Variants in SPATA6 observed in about 807,000 individuals in gnomAD.
SPATA6 encodes spermatogenesis-associated protein 6.
SPATA6 carries 56 observed loss-of-function variants against 65.3 expected under a neutral mutation model. The ratio of observed to expected loss-of-function variants is 0.86; its 90% confidence interval spans 0.69 to 1.07. SPATA6 has a LOEUF of 1.07. Ranked by LOEUF, SPATA6 falls within the 50% of genes least tolerant of loss-of-function variation. The pLI is 0.00. For missense variants in SPATA6, 590 were observed against 594.8 expected (o/e 0.99, Z 0.08); for synonymous variants, 199 against 213.2 (o/e 0.93, Z 0.58).
chr1:48,361,745 G>A (rs1046487535), intron 9 of SPATA6, among the ~76,000 whole-genome samples: 2 of 152,146 alleles, frequency 1.3e-5, no homozygotes, highest in African/African-American at 4.8e-5. Flanking sequence ...ATTGCAGGAT[G>A]TCTAGGTGTA....
intron 11 of SPATA6, among the ~76,000 whole-genome samples, chr1:48,313,825 G>T (rs557675262): frequency 6.6e-6 from 1 of 152,058 alleles, no homozygotes; most frequent in South Asian, 2.1e-4. Flanking sequence ...ACACACATAG[G>T]CTCAAAATAA....
chr1:48,314,421 C>T (rs1181601502), intron 11 of SPATA6, among the ~76,000 whole-genome samples: 2 of 152,102 alleles, frequency 1.3e-5, no homozygotes, highest in African/African-American at 2.4e-5. Context: ...GGAAACTGAA[C>T]AACCTGCTCC....
At chr1:48,279,784 G>A in the SPATA6 span, among the ~76,000 whole-genome samples, 1 of 152,122 alleles carries the variant, frequency 6.6e-6, no homozygotes, top group Non-Finnish European at 1.5e-5. Flanking sequence ...GAGACAGAAA[G>A]TTAACAAGGA....
At chr1:48,275,367 C>A in the SPATA6 span, among the ~76,000 whole-genome samples, 3 of 152,160 alleles carry the variant, frequency 2.0e-5, no homozygotes, top group Non-Finnish European at 2.9e-5. Flanking sequence ...CCAGAACTTC[C>A]AACACTATGT....
chr1:48,413,177 TA>T, intron 3 of SPATA6, 26 bp from the exon 4 acceptor site: 1 of 1,359,940 alleles, frequency 7.4e-7, no homozygotes, highest in Non-Finnish European at 9.7e-7. Flanking sequence ...AAAATTTCCT[TA>T]AATAAACAAA....
intron 2 of SPATA6, among the ~76,000 whole-genome samples, chr1:48,452,235 A>AAGGG (rs1656634225): frequency 6.6e-6 from 1 of 152,176 alleles, no homozygotes; most frequent in South Asian, 2.1e-4. Context: ...AAGACGGAAA[A>AAGGG]AGGGAAGGAA....
chr1:48,451,424 C>A, intron 3 of SPATA6, 128 bp downstream of exon 3: 1 of 654,040 alleles, frequency 1.5e-6, no homozygotes. Context: ...ATTAAAAAGT[C>A]TCAGCTCAAG....
intron 9 of SPATA6, among the ~76,000 whole-genome samples, chr1:48,381,336 C>G (rs767381668): frequency 7.9e-5 from 12 of 152,174 alleles, no homozygotes; most frequent in Non-Finnish European, 1.2e-4. Context: ...AAGAATCACC[C>G]AGAAACTTGG....
chr1:48,266,256 T>C, the SPATA6 span, among the ~76,000 whole-genome samples: 10 of 152,182 alleles, frequency 6.6e-5, no homozygotes, highest in African/African-American at 2.4e-4. Flanking sequence ...ATACCACCTC[T>C]TAAAATCCAA....
At chr1:48,347,895 T>G (rs1646414252) in intron 11 of SPATA6, among the ~76,000 whole-genome samples, 1 of 151,938 alleles carries the variant, frequency 6.6e-6, no homozygotes, top group African/African-American at 2.4e-5. Flanking sequence ...GCAGGAAGAT[T>G]GTCTCAACAC....
chr1:48,318,284 AT>A (rs1645498794), intron 11 of SPATA6, among the ~76,000 whole-genome samples: 1 of 152,194 alleles, frequency 6.6e-6, no homozygotes, highest in South Asian at 2.1e-4. Flanking sequence ...ATCCAGAACA[AT>A]TAGCCAAGAA....
chr1:48,351,891 T>C (rs555759589), intron 11 of SPATA6, among the ~76,000 whole-genome samples: 2 of 152,202 alleles, frequency 1.3e-5, no homozygotes, highest in South Asian at 2.1e-4. Flanking sequence ...AGAGAAACCA[T>C]CTGGGCCTAG....
chr1:48,416,666 T>A (rs1652815489), intron 3 of SPATA6, among the ~76,000 whole-genome samples: 1 of 152,138 alleles, frequency 6.6e-6, no homozygotes, highest in African/African-American at 2.4e-5. Context: ...CTCAACTTAT[T>A]TATGAGCCCT....
At chr1:48,466,140 T>C (rs1657791136) in intron 1 of SPATA6, among the ~76,000 whole-genome samples, 1 of 152,088 alleles carries the variant, frequency 6.6e-6, no homozygotes, top group Non-Finnish European at 1.5e-5. Flanking sequence ...CTAGGAAATA[T>C]GTGCAAATAT....
At chr1:48,282,475 A>T in the SPATA6 span, among the ~76,000 whole-genome samples, 2 of 152,230 alleles carry the variant, frequency 1.3e-5, no homozygotes, top group Non-Finnish European at 2.9e-5. Context: ...CAATGAACTC[A>T]AACAAACTTA....
intron 9 of SPATA6, among the ~76,000 whole-genome samples, chr1:48,382,488 G>A (rs774684721): frequency 6.1e-3 from 742 of 120,756 alleles, no homozygotes; most frequent in Non-Finnish European, 0.01. Context: ...CCTCCCGGAC[G>A]GGGCGGCTGG....
At position 48,368,029 on chromosome 1, in the gene SPATA6, G is replaced by C. The variant is rs529413262; in HGVS notation, c.910-8259C>G. Among the ~76,000 whole-genome samples, 95 of 152,256 alleles carry C rather than the reference G, an allele frequency of 6.2e-4. No individual in the cohort carries two copies. In the South Asian group the frequency reaches 0.019, roughly 30 times the overall value. Reference sequence around the variant, plus strand: ...CTCTCAGCATTTGCTTGTCTGTATAGTATTTTATTTCTCCTTCACTTATGA... The same window carrying C: ...CTCTCAGCATTTGCTTGTCTGTATACTATTTTATTTCTCCTTCACTTATGA... On this transcript the variant is annotated intron_variant, in intron 9 of 12. Transcript: ENST00000371847.
At chr1:48,266,231 A>C in the SPATA6 span, among the ~76,000 whole-genome samples, 1 of 152,224 alleles carries the variant, frequency 6.6e-6, no homozygotes, top group Non-Finnish European at 1.5e-5. Flanking sequence ...CAATGGATCA[A>C]TCACTGAAAA....
chr1:48,293,836 TTTGA>T (rs370072771), downstream of SPATA6, among the ~76,000 whole-genome samples: 159 of 152,266 alleles, frequency 1.0e-3, 1 homozygote, highest in African/African-American at 3.7e-3. Flanking sequence ...ACACACAAAC[TTTGA>T]TTGAGAACTG....
Sources: allele counts gnomAD v4.1 joint callset (sites outside exome capture counted in the v4.1 genomes callset), GRCh38; gene constraint gnomAD v4.1.1; transcripts MANE v1.5; gene names NCBI Gene and HGNC (gene_info 2026-07-23, HGNC 2026-07-21).